LCLAT1: variants seen among roughly 807,000 people sequenced by gnomAD.
LCLAT1 encodes lysocardiolipin acyltransferase 1.
Under a neutral mutation model 30.7 loss-of-function variants are expected in LCLAT1, and 11 were observed. The observed-to-expected ratio is 0.36, with a 90% CI of 0.23 to 0.59. The LOEUF (loss-of-function observed/expected upper bound fraction) is 0.59. Among genes scored for constraint, LCLAT1 ranks in the 20% least tolerant of loss-of-function variants. The pLI, the probability that LCLAT1 is intolerant of heterozygous loss-of-function variation, is 0.77. For missense variants in LCLAT1, 402 were observed against 458.6 expected, an observed-to-expected ratio of 0.88 and a Z score of 1.13; for synonymous variants, 155 against 151.3, an observed-to-expected ratio of 1.02 and a Z score of -0.18.
intron 2 of LCLAT1, among the ~76,000 whole-genome samples, chr2:30,531,969 T>A (rs905179042): frequency 1.3e-5 from 2 of 152,194 alleles, no homozygotes; most frequent in Non-Finnish European, 2.9e-5. Flanking sequence ...CTACCTAGAC[T>A]TCCAATGAAA....
At chr2:30,552,554 T>A (rs1664728331) in intron 3 of LCLAT1, 1 of 450,738 alleles carries the variant, frequency 2.2e-6, no homozygotes, top group Non-Finnish European at 4.5e-6. Flanking sequence ...GCTGCAAAAA[T>A]GTCATAAAAT....
At chr2:30,471,595 G>C (rs758759033) in intron 1 of LCLAT1, among the ~76,000 whole-genome samples, 22 of 152,182 alleles carry the variant, frequency 1.4e-4, no homozygotes, top group Non-Finnish European at 2.2e-4. Flanking sequence ...GGTTTTCAAA[G>C]TGTCTTTTAC....
At chr2:30,595,571 C>T (rs1666895063) in intron 5 of LCLAT1, among the ~76,000 whole-genome samples, 1 of 152,142 alleles carries the variant, frequency 6.6e-6, no homozygotes, top group Admixed American at 6.6e-5. Flanking sequence ...TCCTTCAGCA[C>T]CTAGCTGCTT....
intron 1 of LCLAT1, among the ~76,000 whole-genome samples, chr2:30,470,332 A>G (rs953857042): frequency 6.6e-6 from 1 of 152,196 alleles, no homozygotes; most frequent in African/African-American, 2.4e-5. Context: ...ACAAGTTAGA[A>G]AATAGTGTCT....
At chr2:30,627,983 G>T (rs958644628) in intron 5 of LCLAT1, among the ~76,000 whole-genome samples, 49 of 152,198 alleles carry the variant, frequency 3.2e-4, no homozygotes, top group African/African-American at 1.1e-3. Flanking sequence ...CTGGAAAATT[G>T]ACCATAAAAC....
intron 3 of LCLAT1, among the ~76,000 whole-genome samples, chr2:30,547,651 A>G (rs77999658): frequency 6.6e-6 from 1 of 152,078 alleles, no homozygotes; most frequent in Admixed American, 6.5e-5. Flanking sequence ...GTGTTAGCAC[A>G]TGAGGCTTGG....
chr2:30,466,284 C>T (rs1682426949), intron 1 of LCLAT1, among the ~76,000 whole-genome samples: 1 of 117,722 alleles, frequency 8.5e-6, no homozygotes. Flanking sequence ...TTCTTTGAGA[C>T]AGGGTCTCAC....
chr2:30,479,779 A>G (rs923325824), intron 1 of LCLAT1, among the ~76,000 whole-genome samples: 1 of 152,252 alleles, frequency 6.6e-6, no homozygotes, highest in Non-Finnish European at 1.5e-5. Flanking sequence ...TACAGTTTTA[A>G]GAAGGCTGAA....
intron 5 of LCLAT1, among the ~76,000 whole-genome samples, chr2:30,627,740 A>T (rs938030080): frequency 6.6e-6 from 1 of 152,066 alleles, no homozygotes; most frequent in Non-Finnish European, 1.5e-5. Flanking sequence ...TCTTTGACTA[A>T]TATTTTCTTT....
intron 5 of LCLAT1, among the ~76,000 whole-genome samples, chr2:30,589,635 T>C (rs1269445852): frequency 6.6e-6 from 1 of 152,220 alleles, no homozygotes; most frequent in Admixed American, 6.5e-5. Context: ...ACTAATGTTA[T>C]TGGAGTGAAC....
At chr2:30,480,809 A>G (rs1418509155) in intron 1 of LCLAT1, among the ~76,000 whole-genome samples, 1 of 152,208 alleles carries the variant, frequency 6.6e-6, no homozygotes, top group Admixed American at 6.5e-5. Flanking sequence ...TGCTGAGGAT[A>G]TAATAGTGCA....
chr2:30,581,474 A>C (rs1421404909), intron 5 of LCLAT1, among the ~76,000 whole-genome samples: 1 of 152,144 alleles, frequency 6.6e-6, no homozygotes, highest in Non-Finnish European at 1.5e-5. Context: ...TTGCAGCCCT[A>C]CTAATAATAG....
At chr2:30,461,202 G>C (rs1208124750) in intron 1 of LCLAT1, among the ~76,000 whole-genome samples, 4 of 152,166 alleles carry the variant, frequency 2.6e-5, no homozygotes, top group Non-Finnish European at 4.4e-5. Flanking sequence ...TCTTTAACTT[G>C]TGGGATCTGA....
intron 1 of LCLAT1, among the ~76,000 whole-genome samples, chr2:30,460,877 G>A (rs1572473030): frequency 6.6e-6 from 1 of 152,206 alleles, no homozygotes; most frequent in Non-Finnish European, 1.5e-5. Context: ...TAAAAACCCT[G>A]GAATAGCAGT....
At chr2:30,551,098 C>T (rs1011660040) in intron 3 of LCLAT1, among the ~76,000 whole-genome samples, 1 of 152,152 alleles carries the variant, frequency 6.6e-6, no homozygotes, top group African/African-American at 2.4e-5. Flanking sequence ...TCCGCCTCAG[C>T]CTCCTTAATA....
intron 1 of LCLAT1, among the ~76,000 whole-genome samples, chr2:30,468,036 T>A (rs1186972894): frequency 3.5e-4 from 54 of 152,228 alleles, no homozygotes; most frequent in Admixed American, 3.3e-3. Flanking sequence ...CTGAATGGTA[T>A]TGCCTAGGTT....
chr2:30,516,881 G>A (rs951966243), intron 1 of LCLAT1, among the ~76,000 whole-genome samples: 11 of 152,142 alleles, frequency 7.2e-5, no homozygotes, highest in African/African-American at 2.7e-4. Flanking sequence ...AGGCTTTCTG[G>A]GAAAAGGCGA....
At chr2:30,463,367 G>C (rs951463921) in intron 1 of LCLAT1, among the ~76,000 whole-genome samples, 1 of 151,926 alleles carries the variant, frequency 6.6e-6, no homozygotes, top group African/African-American at 2.4e-5. Flanking sequence ...CATACATAGA[G>C]ATTTCTTTTT....
At chr2:30,544,308 T>C (rs1664292606) in intron 3 of LCLAT1, among the ~76,000 whole-genome samples, 1 of 152,242 alleles carries the variant, frequency 6.6e-6, no homozygotes, top group Admixed American at 6.5e-5. Flanking sequence ...AACTCCATCA[T>C]GCTAGAAAAT....
Sources: allele counts gnomAD v4.1 joint callset (sites outside exome capture counted in the v4.1 genomes callset), GRCh38; gene constraint gnomAD v4.1.1; transcripts MANE v1.5; gene names NCBI Gene and HGNC (gene_info 2026-07-23, HGNC 2026-07-21).